The following TICRR variants were observed in gnomAD, a reference collection of about 807,000 sequenced individuals.
TICRR encodes treslin.
In TICRR, 132 loss-of-function variants were observed where a neutral mutation model predicts 178.1. That is an observed-to-expected ratio of 0.74 (90% CI 0.64 to 0.86). The LOEUF (loss-of-function observed/expected upper bound fraction) is 0.86, where lower values mean the gene tolerates loss of function less well. Ranked by LOEUF, TICRR falls within the 40% of genes least tolerant of loss-of-function variation. The pLI is 0.00. For missense variants in TICRR, 2,587 were observed against 2,334.3 expected (o/e 1.11, Z -2.23); for synonymous variants, 991 against 900.7 (o/e 1.10, Z -1.79).
chr15:89,627,299 C>T lies in TICRR; in HGVS notation c.*213C>T. 1.7e-6 allele frequency: 1 copy of T among 591,394 alleles called. No individual in the cohort carries two copies. The highest frequency in any genetic ancestry group is 2.4e-5 in the South Asian group (1 of 41,848). 36.6% of individuals were successfully genotyped at this position (591,394 alleles called of 1,614,324 possible). On this transcript the variant is annotated 3_prime_UTR_variant, in exon 22 of 22. Coordinates refer to ENST00000268138, the MANE Select transcript of TICRR (RefSeq NM_152259.4). ...AAGTTGCAGGAGGAGAGGTGGATGG[C>T]AATGTGATTGGTGCTATAACTCAGG... is the stretch of plus-strand genomic sequence containing the variant.
chr15:89,625,113 CCTCCCTGCTCTCAGCA>C lies in TICRR; in HGVS notation c.4804_4819del (p.Leu1602CysfsTer8). The C allele has an allele frequency of 6.2e-7, 1 of 1,613,816 alleles. No individual in the cohort carries two copies. The highest frequency in any genetic ancestry group is 8.5e-7 in the Non-Finnish European group (1 of 1,179,888). On this transcript the variant is annotated frameshift_variant, in exon 20 of 22. Coordinates refer to ENST00000268138, the MANE Select transcript of TICRR (RefSeq NM_152259.4). LOFTEE classifies it high-confidence loss of function. ...AGAGCTCTCTGGGAGAAGAGAGCTT[CCTCCCTGCTCTCAGCA>C]TGCCCAGGGCCAGCAGGTCCTTAAG...
At chr15:89,597,656 C>A (rs1010980081) in intron 7 of TICRR, among the ~76,000 whole-genome samples, 2 of 152,068 alleles carry the variant, frequency 1.3e-5, no homozygotes, top group Non-Finnish European at 2.9e-5. Context: ...TATAGTAAGT[C>A]CTGAAGGTTG....
chr15:89,611,459 C>G (rs1467253149), intron 15 of TICRR, among the ~76,000 whole-genome samples: 1 of 152,106 alleles, frequency 6.6e-6, no homozygotes, highest in African/African-American at 2.4e-5. Context: ...CAGTGTGAAT[C>G]TCTTAGAGTT....
At chr15:89,605,367 T>G (rs1963159224) in intron 13 of TICRR, among the ~76,000 whole-genome samples, 1 of 152,214 alleles carries the variant, frequency 6.6e-6, no homozygotes, top group African/African-American at 2.4e-5. Context: ...GTATGACTTT[T>G]ATTTTTATTT....
rs756678525 is a variant in TICRR, at chr15:89,621,436, G to A, written c.3198G>A (p.Lys1066=). ...CAGTCCAAAGTATTCGGTCTCCCAAGAGTCTTCTTTTTGGGGCAATGTCTG... is the reference window on the plus strand; with the variant it reads ...CAGTCCAAAGTATTCGGTCTCCCAAAAGTCTTCTTTTTGGGGCAATGTCTG... ...NSPVQSIRSP[K]SLLFGAMSEM... The change falls in exon 19 of 22, where the codon AAG becomes AAA. Residue 1066 remains lysine, a synonymous_variant. Coordinates refer to ENST00000268138, the MANE Select transcript of TICRR (RefSeq NM_152259.4). 2.5e-6 allele frequency: 4 copies of A among 1,613,842 alleles called. No individual in the cohort carries two copies. The highest frequency in any genetic ancestry group is 3.4e-6 in the Non-Finnish European group (4 of 1,179,988).
chr15:89,608,028 C>G (rs1296190732), intron 14 of TICRR, among the ~76,000 whole-genome samples: 2 of 152,128 alleles, frequency 1.3e-5, no homozygotes, highest in East Asian at 3.8e-4. Context: ...GAATACACAG[C>G]AGCAAAAATG....
chr15:89,604,354 C>A (rs1178388955), intron 13 of TICRR, among the ~76,000 whole-genome samples: 1 of 152,190 alleles, frequency 6.6e-6, no homozygotes, highest in Non-Finnish European at 1.5e-5. Flanking sequence ...ATTGGAAAAT[C>A]CGAAAGTGAA....
chr15:89,622,552 T>C (rs1567052208), intron 19 of TICRR, among the ~76,000 whole-genome samples: 1 of 152,212 alleles, frequency 6.6e-6, no homozygotes, highest in Non-Finnish European at 1.5e-5. Context: ...CACCTTTGTT[T>C]GGAAACTCAG....
At chr15:89,581,483 C>G (rs531021435) in intron 1 of TICRR, among the ~76,000 whole-genome samples, 2 of 152,174 alleles carry the variant, frequency 1.3e-5, no homozygotes, top group African/African-American at 4.8e-5. Context: ...AGGGCTTTTA[C>G]AAAGAAAGCA....
At chr15:89,616,531 C>T (rs1228673607) in intron 16 of TICRR, 36 bp downstream of exon 16, 1 of 1,566,542 alleles carries the variant, frequency 6.4e-7, no homozygotes, top group East Asian at 2.2e-5. Flanking sequence ...CTTCATACAC[C>T]CACACCACCT....
chr15:89,600,332 C>T (rs1287297429), intron 8 of TICRR, among the ~76,000 whole-genome samples: 1 of 152,158 alleles, frequency 6.6e-6, no homozygotes, highest in Admixed American at 6.5e-5. Flanking sequence ...TTAAGCACTG[C>T]TTTATGGAAC....
chr15:89,593,849 A>C (rs897076494), intron 5 of TICRR, among the ~76,000 whole-genome samples: 1 of 152,242 alleles, frequency 6.6e-6, no homozygotes, highest in Non-Finnish European at 1.5e-5. Context: ...GGAAAATATT[A>C]AAATACAAAT....
At chr15:89,576,846 T>C (rs1359286510) in intron 1 of TICRR, among the ~76,000 whole-genome samples, 2,805 of 137,750 alleles carry the variant, frequency 0.02, 136 homozygotes, top group African/African-American at 0.074. Flanking sequence ...TATATATATA[T>C]ATATATATAT....
intron 5 of TICRR, 102 bp from the exon 6 acceptor site, chr15:89,594,313 T>C: frequency 9.6e-7 from 1 of 1,041,842 alleles, no homozygotes; most frequent in Non-Finnish European, 1.4e-6. Flanking sequence ...GGGACATCTT[T>C]TTGGTTAGCT....
chr15:89,597,636 A>G (rs946225191), intron 7 of TICRR, among the ~76,000 whole-genome samples: 4 of 152,120 alleles, frequency 2.6e-5, no homozygotes, highest in Admixed American at 6.6e-5. Flanking sequence ...TGTCTTGATT[A>G]CTGTAGCTTT....
intron 5 of TICRR, among the ~76,000 whole-genome samples, chr15:89,593,962 C>G (rs1425361540): frequency 8.5e-5 from 13 of 152,190 alleles, no homozygotes; most frequent in Admixed American, 8.5e-4. Context: ...CCTGCCTGCC[C>G]TACTTCCTCC....
At chr15:89,609,603 T>C (rs1190191265) in intron 15 of TICRR, among the ~76,000 whole-genome samples, 1 of 152,072 alleles carries the variant, frequency 6.6e-6, no homozygotes, top group Non-Finnish European at 1.5e-5. Context: ...GCCTCCCCAG[T>C]AGCTGGGATT....
intron 11 of TICRR, 71 bp downstream of exon 11, chr15:89,601,639 A>G: frequency 1.2e-6 from 2 of 1,610,042 alleles, no homozygotes; most frequent in South Asian, 2.2e-5. Context: ...TTGTCTCTGA[A>G]TTTTGGAGTT....
chr15:89,621,472 C>G lies in TICRR; in HGVS notation c.3234C>G (p.Ser1078Arg). 1 of 1,614,018 alleles carries G rather than the reference C, an allele frequency of 6.2e-7. No individual in the cohort carries two copies. The highest frequency in any genetic ancestry group is 8.5e-7 in the Non-Finnish European group (1 of 1,179,894). Residue 1078 changes from serine to arginine, a missense_variant, in exon 19 of 22, where the codon AGC (serine) becomes AGG (arginine). Ser to Arg is a moderately radical substitution (Grantham distance 110). Coordinates refer to ENST00000268138, the MANE Select transcript of TICRR (RefSeq NM_152259.4). Reference protein sequence around the residue: ...LLFGAMSEMISPSEKGSARMK... With the variant: ...LLFGAMSEMIRPSEKGSARMK... ...TTGGGGCAATGTCTGAGATGATCAG[C>G]CCCTCAGAAAAGGGTTCAGCTCGAA...
Sources: gnomAD v4.1 joint callset for allele counts (sites outside exome capture counted in the v4.1 genomes callset) on GRCh38, gnomAD v4.1.1 for gene constraint, MANE v1.5 for transcripts, NCBI Gene and HGNC (gene_info 2026-07-23, HGNC 2026-07-21) for gene names.